Variants in NDST4 observed in about 807,000 individuals in gnomAD.
The protein encoded by NDST4 is N-heparan sulfate sulfotransferase 4.
NDST4 carries 63 observed loss-of-function variants against 100.8 expected under a neutral mutation model. That is an observed-to-expected ratio of 0.62 (90% CI 0.51 to 0.77). The LOEUF (loss-of-function observed/expected upper bound fraction) is 0.77. Ranked by LOEUF, NDST4 falls within the 30% of genes least tolerant of loss-of-function variation. The pLI is 0.00. For missense variants in NDST4, 943 were observed against 1,018.4 expected (o/e 0.93, Z 1.01); for synonymous variants, 377 against 361.8 (o/e 1.04, Z -0.48).
intron 6 of NDST4, among the ~76,000 whole-genome samples, chr4:114,929,096 C>T (rs1560817010): frequency 7.7e-6 from 1 of 130,002 alleles, no homozygotes; most frequent in African/African-American, 2.8e-5. Context: ...ATCCATCCAT[C>T]CATCCATCCA....
intron 1 of NDST4, among the ~76,000 whole-genome samples, chr4:115,080,339 G>C (rs1729275398): frequency 6.6e-6 from 1 of 152,086 alleles, no homozygotes; most frequent in Non-Finnish European, 1.5e-5. Flanking sequence ...GTTTCACCAT[G>C]TTGGCCAGGC....
intron 2 of NDST4, among the ~76,000 whole-genome samples, chr4:115,063,240 T>C (rs1253094043): frequency 6.6e-6 from 1 of 151,962 alleles, no homozygotes; most frequent in Non-Finnish European, 1.5e-5. Flanking sequence ...CAGAAGACTA[T>C]TTGATTTATT....
At chr4:115,095,375 T>C (rs1179151985) in intron 1 of NDST4, among the ~76,000 whole-genome samples, 1 of 152,158 alleles carries the variant, frequency 6.6e-6, no homozygotes, top group Non-Finnish European at 1.5e-5. Flanking sequence ...GAAATGATTC[T>C]CCAAAGGTTT....
At chr4:114,910,157 T>C (rs1021835773) in intron 6 of NDST4, among the ~76,000 whole-genome samples, 6 of 152,162 alleles carry the variant, frequency 3.9e-5, no homozygotes, top group Non-Finnish European at 8.8e-5. Flanking sequence ...TGTCTCAGGA[T>C]GTTTTAAATA....
chr4:114,990,174 TA>T (rs1222495865), intron 2 of NDST4, among the ~76,000 whole-genome samples: 1 of 152,144 alleles, frequency 6.6e-6, no homozygotes, highest in Non-Finnish European at 1.5e-5. Context: ...AGAAGCATAG[TA>T]GATACAGGTT....
At position 115,030,999 on chromosome 4, in the gene NDST4, C is replaced by T. The variant is rs193296589; in HGVS notation, c.978+45060G>A. 2.3e-3 allele frequency among the ~76,000 whole-genome samples: 350 copies of T among 152,130 alleles called. 1 individual carries two copies. The highest frequency in any genetic ancestry group is 8.1e-3 in the African/African-American group (337 of 41,536). ...ATTATTTCTCTTACAATGTCATCAC[C>T]CCATCTATATTATCTCCTGCTTCTC... On this transcript the variant is annotated intron_variant, in intron 2 of 13. Transcript: ENST00000264363.
intron 2 of NDST4, among the ~76,000 whole-genome samples, chr4:115,029,328 T>C (rs1728057271): frequency 2.0e-5 from 3 of 152,044 alleles, no homozygotes; most frequent in East Asian, 1.9e-4. Context: ...ACTAATATCA[T>C]AGGAGAGAGA....
intron 2 of NDST4, among the ~76,000 whole-genome samples, chr4:115,067,874 C>T (rs996011862): frequency 6.6e-6 from 1 of 151,174 alleles, no homozygotes; most frequent in African/African-American, 2.4e-5. Flanking sequence ...GGTATATCTC[C>T]TAATGCTATC....
chr4:114,857,064 C>A (rs1202919875), intron 7 of NDST4, among the ~76,000 whole-genome samples: 1 of 152,198 alleles, frequency 6.6e-6, no homozygotes, highest in Non-Finnish European at 1.5e-5. Flanking sequence ...GCCACCCTCA[C>A]ACTTGGGCTT....
chr4:115,042,412 G>T (rs116703258), intron 2 of NDST4, among the ~76,000 whole-genome samples: 1 of 151,980 alleles, frequency 6.6e-6, no homozygotes, highest in East Asian at 1.9e-4. Flanking sequence ...TATTCACCTC[G>T]CTTTGCCTTA....
intron 1 of NDST4, among the ~76,000 whole-genome samples, chr4:115,084,036 G>C (rs1485852591): frequency 1.3e-5 from 2 of 152,156 alleles, no homozygotes; most frequent in Non-Finnish European, 1.5e-5. Context: ...AGTTTGGAAG[G>C]CTCAGAAGAA....
chr4:115,049,240 T>C (rs1466881613), intron 2 of NDST4, among the ~76,000 whole-genome samples: 1 of 151,756 alleles, frequency 6.6e-6, no homozygotes, highest in Non-Finnish European at 1.5e-5. Flanking sequence ...TGATGAGAAA[T>C]AACGTGTCTT....
In NDST4 at chr4:114,977,256, T is replaced by C; in HGVS notation, c.997A>G (p.Asn333Asp). ...TTTGCAACCTGAGTGCGCAGTAAATTTTGAGTCTCTAGTAATGCCTGAAAT... is the reference window on the plus strand; with the variant it reads ...TTTGCAACCTGAGTGCGCAGTAAATCTTGAGTCTCTAGTAATGCCTGAAAT... ...KDVKALLETQ[N>D]LLRTQVANFT... Residue 333 changes from asparagine (N) to aspartate (D), a missense_variant, in exon 3 of 14, where the codon AAT (asparagine) becomes GAT (aspartate). Physicochemically the swap from Asn to Asp is conservative, Grantham distance 23. Around this residue, in one of 2 missense-constraint regions of NDST4, gnomAD observed 417 missense variants for 384.2 expected, o/e 1.09. Transcript: ENST00000264363. 1 of 1,608,876 alleles carries C rather than the reference T, an allele frequency of 6.2e-7. No individual in the cohort carries two copies. Among genetic ancestry groups the C allele is most frequent in the Middle Eastern group, 1.7e-4 (1 of 6,052 alleles).
intron 6 of NDST4, among the ~76,000 whole-genome samples, chr4:114,886,266 A>G (rs561831308): frequency 2.7e-4 from 41 of 152,274 alleles, no homozygotes; most frequent in Middle Eastern, 3.4e-3. Context: ...GCTGCAGGGC[A>G]TCACTGTCTT....
At chr4:115,085,340 T>A (rs1729389200) in intron 1 of NDST4, among the ~76,000 whole-genome samples, 1 of 152,160 alleles carries the variant, frequency 6.6e-6, no homozygotes, top group Non-Finnish European at 1.5e-5. Context: ...ATATGAGACT[T>A]TGGACTTGGA....
At chr4:115,026,827 A>G (rs77189405) in intron 2 of NDST4, among the ~76,000 whole-genome samples, 2,192 of 152,204 alleles carry the variant, frequency 0.014, 52 homozygotes, top group African/African-American at 0.048. Flanking sequence ...GACTTTAGGT[A>G]GGATTTGTCT....
intron 2 of NDST4, among the ~76,000 whole-genome samples, chr4:115,027,264 A>G (rs998092590): frequency 6.6e-6 from 1 of 152,104 alleles, no homozygotes; most frequent in African/African-American, 2.4e-5. Flanking sequence ...TTCCCCTTGA[A>G]CAGGACTTCA....
chr4:114,981,931 G>T (rs936690420), intron 2 of NDST4, among the ~76,000 whole-genome samples: 1 of 152,118 alleles, frequency 6.6e-6, no homozygotes, highest in African/African-American at 2.4e-5. Context: ...GATTCTGAGG[G>T]TGGTTTCTAA....
intron 2 of NDST4, among the ~76,000 whole-genome samples, chr4:115,054,200 T>G (rs114279855): frequency 0.012 from 1,834 of 152,090 alleles, 34 homozygotes; most frequent in African/African-American, 0.041. Context: ...GCAGGCTTAT[T>G]TTCAATAGTA....
Sources: allele counts gnomAD v4.1 joint callset (sites outside exome capture counted in the v4.1 genomes callset), GRCh38; gene constraint gnomAD v4.1.1; regional missense constraint gnomAD v4.1.1; transcripts MANE v1.5; gene names NCBI Gene and HGNC (gene_info 2026-07-23, HGNC 2026-07-21).